Variants in AGBL4 observed in about 807,000 individuals in gnomAD.
AGBL4 encodes the protein AGBL carboxypeptidase 4.
Under a neutral mutation model 66.4 loss-of-function variants are expected in AGBL4, and 58 were observed. That is an observed-to-expected ratio of 0.87 (90% CI 0.71 to 1.09). AGBL4 has a LOEUF of 1.09. Ranked by LOEUF, AGBL4 falls within the 50% of genes least tolerant of loss-of-function variation. The pLI, the probability that AGBL4 is intolerant of heterozygous loss-of-function variation, is 0.00. For missense variants in AGBL4, 579 were observed against 631.0 expected, an observed-to-expected ratio of 0.92 and a Z score of 0.88; for synonymous variants, 234 against 222.9, an observed-to-expected ratio of 1.05 and a Z score of -0.44.
intron 3 of AGBL4, among the ~76,000 whole-genome samples, chr1:49,388,830 C>T (rs1016697939): frequency 3.9e-5 from 6 of 152,084 alleles, no homozygotes; most frequent in Non-Finnish European, 7.4e-5. Context: ...AAGTTTAATG[C>T]CTCTGTCAGG....
At chr1:49,972,988 G>C (rs1277946719) in intron 1 of AGBL4, among the ~76,000 whole-genome samples, 1 of 152,134 alleles carries the variant, frequency 6.6e-6, no homozygotes, top group Non-Finnish European at 1.5e-5. Context: ...GGCCCAGAGA[G>C]GTTACTAACC....
intron 6 of AGBL4, among the ~76,000 whole-genome samples, chr1:48,866,514 A>G (rs1011007503): frequency 2.0e-5 from 3 of 152,198 alleles, no homozygotes; most frequent in South Asian, 2.1e-4. Flanking sequence ...CCCTGCTGGC[A>G]CCATCATCCC....
intron 11 of AGBL4, among the ~76,000 whole-genome samples, chr1:48,568,166 C>T (rs1644505270): frequency 6.6e-6 from 1 of 152,130 alleles, no homozygotes; most frequent in Non-Finnish European, 1.5e-5. Flanking sequence ...TCATGTCATT[C>T]CTCACTCAAA....
At position 49,112,778 on chromosome 1, in the gene AGBL4, A is replaced by G. The variant is rs563245215; in HGVS notation, c.378-66978T>C. On this transcript the variant is annotated intron_variant, in intron 4 of 13. Coordinates refer to ENST00000371839, the MANE Select transcript of AGBL4 (RefSeq NM_032785.4). ...ATTGTAGCAATTCAGTCACATCTTC[A>G]GGCTCCACTTCTAATTCTAGTTATC... Among the ~76,000 whole-genome samples the G allele has an allele frequency of 2.2e-3, 329 of 152,262 alleles. 2 individuals are homozygous for G. The highest frequency in any genetic ancestry group is 7.6e-3 in the African/African-American group (317 of 41,546).
intron 2 of AGBL4, among the ~76,000 whole-genome samples, chr1:49,719,006 T>C (rs2124681592): frequency 6.6e-6 from 1 of 152,232 alleles, no homozygotes; most frequent in Non-Finnish European, 1.5e-5. Context: ...ACTAAAAATG[T>C]TAATTGAAAT....
At chr1:49,721,787 G>T (rs1317891547) in intron 2 of AGBL4, among the ~76,000 whole-genome samples, 1 of 152,108 alleles carries the variant, frequency 6.6e-6, no homozygotes, top group Non-Finnish European at 1.5e-5. Flanking sequence ...TCAGGTGTTT[G>T]TTAAGGGATA....
intron 11 of AGBL4, chr1:48,585,800 C>T (rs1443493072): frequency 3.3e-5 from 5 of 152,252 alleles, no homozygotes; most frequent in African/African-American, 1.2e-4. Flanking sequence ...ACACCATACC[C>T]CCAACCCTCC....
At position 49,240,711 on chromosome 1, in the gene AGBL4, A is replaced by G. The variant is rs553841095; in HGVS notation, c.377+5059T>C. ...CTGAGAAATCACATCTTCTCCTACC[A>G]TTCTGGTTATCACCTGTAGACTGAT... On this transcript the variant is annotated intron_variant, in intron 4 of 13. Transcript: ENST00000371839. 2.9e-3 allele frequency among the ~76,000 whole-genome samples: 434 copies of G among 151,902 alleles called. 3 individuals carry two copies. Among genetic ancestry groups the G allele is most frequent in the African/African-American group, 9.9e-3 (411 of 41,448 alleles).
chr1:48,735,936 C>T (rs1297625833), intron 6 of AGBL4, among the ~76,000 whole-genome samples: 1 of 152,174 alleles, frequency 6.6e-6, no homozygotes, highest in Non-Finnish European at 1.5e-5. Flanking sequence ...CCCAGGAATT[C>T]TTCCCTGATT....
intron 5 of AGBL4, among the ~76,000 whole-genome samples, chr1:48,980,320 A>C (rs776076326): frequency 1.3e-5 from 2 of 152,166 alleles, no homozygotes; most frequent in Non-Finnish European, 2.9e-5. Context: ...CACCTCCCTC[A>C]GAAGCCACTT....
intron 3 of AGBL4, among the ~76,000 whole-genome samples, chr1:49,425,875 G>A (rs1264748974): frequency 6.6e-6 from 1 of 152,160 alleles, no homozygotes; most frequent in Admixed American, 6.5e-5. Flanking sequence ...CTTGAATCCA[G>A]CTTTTTTCAC....
At chr1:48,963,389 G>A (rs1658162570) in intron 5 of AGBL4, among the ~76,000 whole-genome samples, 1 of 152,052 alleles carries the variant, frequency 6.6e-6, no homozygotes, top group African/African-American at 2.4e-5. Flanking sequence ...GAATGCCCAT[G>A]GAAGCCTATG....
chr1:48,944,993 G>C (rs1041890417), intron 5 of AGBL4, among the ~76,000 whole-genome samples: 1 of 152,180 alleles, frequency 6.6e-6, no homozygotes, highest in Non-Finnish European at 1.5e-5. Flanking sequence ...GGTGACCTCA[G>C]ATGGTGACAA....
chr1:49,568,804 A>G (rs1479586374), intron 3 of AGBL4, among the ~76,000 whole-genome samples: 3 of 152,180 alleles, frequency 2.0e-5, no homozygotes, highest in Admixed American at 2.0e-4. Flanking sequence ...CTGGTACAAA[A>G]ACACAGAGAC....
chr1:50,023,682 C>G, intron 1 of AGBL4, 81 bp downstream of exon 1: 1 of 1,479,108 alleles, frequency 6.8e-7, no homozygotes, highest in Non-Finnish European at 9.0e-7. Context: ...AGGAGTAGGA[C>G]CATGCCCGAG....
chr1:49,207,499 T>C (rs919786102), intron 4 of AGBL4, among the ~76,000 whole-genome samples: 101 of 146,454 alleles, frequency 6.9e-4, no homozygotes, highest in African/African-American at 1.0e-3. Context: ...TTTCTTTTCT[T>C]TCTTTCTTTT....
chr1:48,725,080 G>A (rs904883748), intron 6 of AGBL4, among the ~76,000 whole-genome samples: 1 of 152,176 alleles, frequency 6.6e-6, no homozygotes, highest in Non-Finnish European at 1.5e-5. Context: ...TTCTAAACAG[G>A]TGTTAGGGCA....
intron 6 of AGBL4, among the ~76,000 whole-genome samples, chr1:48,694,401 T>C (rs980636852): frequency 6.6e-6 from 1 of 152,224 alleles, no homozygotes; most frequent in Non-Finnish European, 1.5e-5. Context: ...TAGCTATGTG[T>C]GCAAATTAAC....
intron 4 of AGBL4, among the ~76,000 whole-genome samples, chr1:49,061,857 A>G (rs1323901325): frequency 1.3e-5 from 2 of 152,136 alleles, no homozygotes; most frequent in African/African-American, 4.8e-5. Flanking sequence ...GATTAAGTCA[A>G]CCAGTGAGCT....
Sources: gnomAD v4.1 joint callset for allele counts (sites outside exome capture counted in the v4.1 genomes callset) on GRCh38, gnomAD v4.1.1 for gene constraint, MANE v1.5 for transcripts, NCBI Gene and HGNC (gene_info 2026-07-23, HGNC 2026-07-21) for gene names.